ZFHX3: variants seen among roughly 807,000 people sequenced by gnomAD.
The protein encoded by ZFHX3 is zinc finger homeobox protein 3.
Under a neutral mutation model 279.1 loss-of-function variants are expected in ZFHX3, and 42 were observed. The observed-to-expected ratio is 0.15, with a 90% confidence interval of 0.12 to 0.19. The LOEUF (loss-of-function observed/expected upper bound fraction) is 0.19, where lower values mean the gene tolerates loss of function less well. ZFHX3 is among the 10% of genes least tolerant of loss of function. The pLI, the probability that ZFHX3 is intolerant of heterozygous loss-of-function variation, is 1.00. For synonymous variants in ZFHX3, 2,293 were observed against 1,957.8 expected (o/e 1.17, Z -4.52); for missense variants, 4,981 against 4,754.0 (o/e 1.05, Z -1.40).
At chr16:73,614,865 TC>T (rs2052283854) in intron 2 of ZFHX3, among the ~76,000 whole-genome samples, 1 of 152,036 alleles carries the variant, frequency 6.6e-6, no homozygotes, top group South Asian at 2.1e-4. Flanking sequence ...GCTCAGATGA[TC>T]CTCCCTCCTC....
chr16:73,697,421 C>A (rs1427989968), intron 1 of ZFHX3, among the ~76,000 whole-genome samples: 1 of 152,086 alleles, frequency 6.6e-6, no homozygotes, highest in East Asian at 1.9e-4. Context: ...ATATATTGAC[C>A]TGTCACTCAA....
chr16:73,073,835 C>T (rs1318322388), intron 8 of ZFHX3, among the ~76,000 whole-genome samples: 2 of 152,194 alleles, frequency 1.3e-5, no homozygotes, highest in African/African-American at 4.8e-5. Context: ...AGGTAGATAA[C>T]TCCGTTGGTC....
intron 1 of ZFHX3, among the ~76,000 whole-genome samples, chr16:73,858,038 G>A (rs1298520249): frequency 6.6e-6 from 1 of 151,696 alleles, no homozygotes; most frequent in Admixed American, 6.6e-5. Flanking sequence ...GGAGGTTGCA[G>A]TGAGCTGATA....
chr16:73,631,066 C>T (rs907352593), intron 2 of ZFHX3, among the ~76,000 whole-genome samples: 1 of 152,138 alleles, frequency 6.6e-6, no homozygotes, highest in East Asian at 1.9e-4. Context: ...TAAGAAACCA[C>T]AGGCCTGATT....
Position 73,637,270 on chromosome 16 carries a change from C to T in ZFHX3, c.-1547+42910G>A, listed in dbSNP as rs1209984153. ...TTTTTGAGACAGAATCTTGGTCTGT[C>T]GCCCAGGCTGCAGTACAACGGGGTG... On this transcript the variant is annotated intron_variant, in intron 2 of 17. Transcript: ENST00000641206. Among the ~76,000 whole-genome samples, 12 of 130,320 alleles carry T rather than the reference C, an allele frequency of 9.2e-5. No homozygotes were observed. The East Asian group carries it at 2.0e-3, about 22-fold the overall frequency. 85.5% of individuals were successfully genotyped at this position (130,320 alleles called of 152,430 possible).
At chr16:73,025,871 T>C (rs8056979) in intron 1 of ZFHX3, among the ~76,000 whole-genome samples, 2,694 of 152,248 alleles carry the variant, frequency 0.018, 33 homozygotes, top group African/African-American at 0.034. Context: ...AAGCGAAAGA[T>C]GTTCTCTCCG....
At chr16:73,787,317 A>G (rs1396678074) in intron 1 of ZFHX3, among the ~76,000 whole-genome samples, 2 of 152,210 alleles carry the variant, frequency 1.3e-5, no homozygotes, top group Non-Finnish European at 2.9e-5. Flanking sequence ...CCTTCAATAA[A>G]GCACCAGACA....
At chr16:73,105,615 T>C (rs971705737) in intron 7 of ZFHX3, among the ~76,000 whole-genome samples, 4 of 151,754 alleles carry the variant, frequency 2.6e-5, no homozygotes, top group African/African-American at 9.7e-5. Flanking sequence ...CAGCTGGGCA[T>C]GGTGGCGGGC....
At chr16:73,658,621 A>T (rs1182458870) in intron 2 of ZFHX3, among the ~76,000 whole-genome samples, 1 of 152,122 alleles carries the variant, frequency 6.6e-6, no homozygotes, top group Non-Finnish European at 1.5e-5. Context: ...AAATTTTATG[A>T]CATATCATCC....
intron 8 of ZFHX3, among the ~76,000 whole-genome samples, chr16:73,074,270 C>T (rs1965859138): frequency 1.3e-5 from 2 of 152,220 alleles, no homozygotes. Flanking sequence ...GTCCCAGGCG[C>T]AATGTTGGAG....
chr16:72,827,652 T>C (rs1395490882), intron 5 of ZFHX3, among the ~76,000 whole-genome samples: 2 of 152,252 alleles, frequency 1.3e-5, no homozygotes, highest in Non-Finnish European at 2.9e-5. Flanking sequence ...AACTGGGATC[T>C]TGGTCCAGGC....
At chr16:73,858,947 T>C (rs1961810425) in intron 1 of ZFHX3, among the ~76,000 whole-genome samples, 1 of 152,228 alleles carries the variant, frequency 6.6e-6, no homozygotes, top group Non-Finnish European at 1.5e-5. Context: ...TTAGCTGTCA[T>C]CTATTTGTCC....
chr16:73,187,861 T>C (rs973490093), intron 5 of ZFHX3, among the ~76,000 whole-genome samples: 7 of 152,200 alleles, frequency 4.6e-5, no homozygotes, highest in African/African-American at 1.7e-4. Context: ...TGCAAAAGTT[T>C]GGAACTTTTT....
intron 2 of ZFHX3, among the ~76,000 whole-genome samples, chr16:73,645,666 T>C (rs2052612442): frequency 1.3e-5 from 2 of 152,364 alleles, no homozygotes; most frequent in South Asian, 2.1e-4. Flanking sequence ...ATGGATAGTT[T>C]AACAAGCATT....
chr16:73,334,659 C>T (rs868156134), intron 3 of ZFHX3, among the ~76,000 whole-genome samples: 1 of 151,940 alleles, frequency 6.6e-6, no homozygotes, highest in Non-Finnish European at 1.5e-5. Flanking sequence ...AAACGAAGAA[C>T]GGAAGCTCAA....
rs142293625 is a variant in ZFHX3 at position 73,102,324 on chromosome 16, A to G, written c.-896-8726T>C. On this transcript the variant is annotated intron_variant, in intron 7 of 17. Transcript: ENST00000641206. ...TCCAGTATGGAAATCCAGGGTACAC[A>G]TTGCCCCTCTTTTCCGGCATCTGTC... Among the ~76,000 whole-genome samples, 29 of 152,248 alleles carry G rather than the reference A, an allele frequency of 1.9e-4. No homozygotes were observed. The East Asian group carries it at 2.3e-3, about 12-fold the overall frequency.
In ZFHX3 at chr16:73,675,601, G is replaced by A. The variant is rs563548253; in HGVS notation, c.-1547+4579C>T. On this transcript the variant is annotated intron_variant, in intron 2 of 17. Transcript: ENST00000641206. ...TTGTTTTAGCATCTTAGATTACTGC[G>A]GTTCCTGAAAAGAAGAATAGGATAA... Among the ~76,000 whole-genome samples, 8 of 151,856 alleles carry A rather than the reference G, an allele frequency of 5.3e-5. No homozygotes were observed. In the South Asian group the frequency reaches 6.3e-4, roughly 12 times the overall value.
At chr16:73,636,145 T>C (rs1000328093) in intron 2 of ZFHX3, among the ~76,000 whole-genome samples, 2 of 152,224 alleles carry the variant, frequency 1.3e-5, no homozygotes, top group African/African-American at 4.8e-5. Context: ...CTCATATAGG[T>C]AATGAAAGTC....
Position 73,047,945 on chromosome 16 carries a change from G to A in ZFHX3, c.-243C>T, listed in dbSNP as rs1388739891. 6.6e-6 allele frequency: 1 copy of A among 152,326 alleles called. No individual in the cohort carries two copies. The highest frequency in any genetic ancestry group is 1.5e-5 in the Non-Finnish European group (1 of 68,182). The allele number at this position is 152,326 out of a possible 1,614,324, so 9.4% of individuals were successfully genotyped here. A position where few individuals can be genotyped will look rare whatever the true frequency, so the allele number is the denominator to read the frequency against. The stretch of plus-strand genomic sequence containing the variant: ...GCTCTGGTCAGGAGCAGGGGGCCCG[G>A]AGACAGGGGAGGGGAGCTCATGGTG... On this transcript the variant is annotated 5_prime_UTR_variant, in exon 1 of 10. Transcript: ENST00000268489.
Sources: allele counts gnomAD v4.1 joint callset (sites outside exome capture counted in the v4.1 genomes callset), GRCh38; gene constraint gnomAD v4.1.1; transcripts MANE v1.5; gene names NCBI Gene and HGNC (gene_info 2026-07-23, HGNC 2026-07-21).